The following TRAPPC12 variants were observed in gnomAD, a reference collection of about 807,000 sequenced individuals.
TRAPPC12 encodes TPR repeat protein 15.
TRAPPC12 carries 61 observed loss-of-function variants against 69.2 expected under a neutral mutation model. That is an observed-to-expected ratio of 0.88 (90% CI 0.72 to 1.09). The LOEUF is 1.09. Ranked by LOEUF, TRAPPC12 falls within the 50% of genes least tolerant of loss-of-function variation. TRAPPC12 has a pLI of 0.00. For synonymous variants in TRAPPC12, 469 were observed against 438.9 expected (o/e 1.07, Z -0.86); for missense variants, 1,101 against 1,016.4 (o/e 1.08, Z -1.13).
intron 3 of TRAPPC12, among the ~76,000 whole-genome samples, chr2:3,419,242 C>A (rs1003286163): frequency 1.2e-4 from 18 of 152,294 alleles, no homozygotes; most frequent in South Asian, 2.1e-4. Context: ...TATTAGTTGC[C>A]CCTGGATACA....
chr2:3,424,639 C>A lies in TRAPPC12; in HGVS notation c.1393C>A (p.Pro465Thr), dbSNP rs776815332. Residue 465 changes from proline to threonine, a missense_variant, in exon 5 of 12, where the codon CCG becomes ACG. By Grantham distance (38) the Pro-to-Thr change is conservative (BLOSUM62 -1). Coordinates refer to ENST00000324266, the MANE Select transcript of TRAPPC12 (RefSeq NM_016030.6). Reference sequence around the variant, plus strand: ...GCCAGATCTTTATTACGAGTACTACCCGCACGTGTACCCTGGGCGCAGGGG... The same window carrying A: ...GCCAGATCTTTATTACGAGTACTACACGCACGTGTACCCTGGGCGCAGGGG... ...DQPDLYYEYYPHVYPGRRGSM... is the reference protein window; with the variant it reads ...DQPDLYYEYYTHVYPGRRGSM... 3.2e-5 allele frequency: 52 copies of A among 1,612,976 alleles called. No homozygotes were observed. The highest frequency in any genetic ancestry group is 1.6e-4 in the Middle Eastern group (1 of 6,084).
chr2:3,380,680 A>G (rs978390829), intron 1 of TRAPPC12, among the ~76,000 whole-genome samples: 1 of 152,162 alleles, frequency 6.6e-6, no homozygotes, highest in Non-Finnish European at 1.5e-5. Flanking sequence ...GGAAAAGCAA[A>G]TGAAATATTA....
intron 5 of TRAPPC12, among the ~76,000 whole-genome samples, chr2:3,428,804 C>T (rs1392034584): frequency 6.6e-6 from 1 of 152,170 alleles, no homozygotes; most frequent in East Asian, 1.9e-4. Context: ...CAGCCCCGCG[C>T]CCCCGGAGCT....
chr2:3,383,863 TCA>T (rs1407484279), intron 1 of TRAPPC12, among the ~76,000 whole-genome samples: 17 of 146,710 alleles, frequency 1.2e-4, no homozygotes, highest in Non-Finnish European at 4.5e-5. Flanking sequence ...TTGTGATAGT[TCA>T]GTCTTGTTTT....
chr2:3,457,370 G>A lies in TRAPPC12; in HGVS notation c.1531-251G>A, dbSNP rs543503290. ...GACTACCTGGGTGATGGCTTCAATC[G>A]TACCCCAACCTCAGCATCACCCAGT... is the stretch of plus-strand genomic sequence containing the variant. On this transcript the variant is annotated intron_variant, in intron 6 of 11. Coordinates refer to ENST00000324266, the MANE Select transcript of TRAPPC12 (RefSeq NM_016030.6). 9 of 499,264 alleles carry A rather than the reference G, an allele frequency of 1.8e-5. 1 individual carries two copies. Among genetic ancestry groups the A allele is most frequent in the African/African-American group, 1.9e-5 (1 of 51,582 alleles). The allele number at this position is 499,264 out of a possible 1,614,324, so 30.9% of individuals were successfully genotyped here.
rs1161360103 is a variant in TRAPPC12 at position 3,414,025 on chromosome 2, G to A, written c.1165-7856G>A. ...GTGCTAGTTCAGGCCTTGTTTCCTT[G>A]TGCCTTGTTCACTAAGCCAGCTCAG... On this transcript the variant is annotated intron_variant, in intron 3 of 11. Transcript: ENST00000324266. This position sits in a 1 kb window ranked among gnomAD's most constrained non-coding sequence, Gnocchi z 4.9. Among the ~76,000 whole-genome samples, 1 of 151,866 alleles carries A rather than the reference G, an allele frequency of 6.6e-6. No homozygotes were observed. The highest frequency in any genetic ancestry group is 1.5e-5 in the Non-Finnish European group (1 of 67,986).
intron 8 of TRAPPC12, among the ~76,000 whole-genome samples, chr2:3,462,010 C>T (rs1212953382): frequency 1.3e-5 from 2 of 152,254 alleles, no homozygotes; most frequent in African/African-American, 2.4e-5. Context: ...GCATTGTCAG[C>T]GTCACCTGAA....
intron 5 of TRAPPC12, among the ~76,000 whole-genome samples, chr2:3,439,701 A>G (rs1310655906): frequency 6.6e-6 from 1 of 152,146 alleles, no homozygotes; most frequent in Non-Finnish European, 1.5e-5. Flanking sequence ...ATGAAGTCCA[A>G]CTTACTGATT....
chr2:3,429,597 T>C (rs10165836), intron 5 of TRAPPC12, among the ~76,000 whole-genome samples: 45,008 of 152,142 alleles, frequency 0.3, 7,082 homozygotes, highest in Middle Eastern at 0.39. Flanking sequence ...GATGTCACTG[T>C]TGTTTCCAGA....
At chr2:3,463,461 C>A (rs1665622500) in intron 8 of TRAPPC12, among the ~76,000 whole-genome samples, 2 of 151,554 alleles carry the variant, frequency 1.3e-5, no homozygotes, top group African/African-American at 4.9e-5. Context: ...AGCTTCCTCT[C>A]ACACGGCTCC....
intron 2 of TRAPPC12, among the ~76,000 whole-genome samples, chr2:3,395,720 G>A (rs189598142): frequency 6.6e-4 from 98 of 148,574 alleles, no homozygotes; most frequent in African/African-American, 2.2e-3. Flanking sequence ...GCACCACCAC[G>A]CCCAGCTAAT....
intron 3 of TRAPPC12, among the ~76,000 whole-genome samples, chr2:3,416,070 C>A (rs1289549182): frequency 1.3e-5 from 2 of 152,212 alleles, no homozygotes; most frequent in Non-Finnish European, 2.9e-5. Flanking sequence ...GATGGAGCAT[C>A]TGTGTCTGTC....
intron 3 of TRAPPC12, among the ~76,000 whole-genome samples, chr2:3,415,968 A>G (rs554996289): frequency 3.8e-4 from 58 of 152,170 alleles, no homozygotes; most frequent in Non-Finnish European, 4.6e-4. Context: ...CGCCCCCCTC[A>G]GCCTCCCAAA....
intron 6 of TRAPPC12, among the ~76,000 whole-genome samples, chr2:3,453,364 T>TC (rs1245254889): frequency 6.6e-6 from 1 of 152,178 alleles, no homozygotes; most frequent in East Asian, 1.9e-4. Flanking sequence ...GGAAGGTGCC[T>TC]CCAACACCCG....
intron 9 of TRAPPC12, chr2:3,466,249 T>G (rs1277837608): frequency 2.1e-6 from 1 of 471,080 alleles, no homozygotes; most frequent in Admixed American, 2.3e-5. Context: ...ATCCCACCCT[T>G]GCAGGCGGAG....
chr2:3,454,212 G>A (rs1277282453), intron 6 of TRAPPC12, among the ~76,000 whole-genome samples: 2 of 152,190 alleles, frequency 1.3e-5, no homozygotes, highest in African/African-American at 2.4e-5. Context: ...CAGAGGGAGG[G>A]GTGTAGCCTG....
chr2:3,435,878 A>G (rs1042351399), intron 5 of TRAPPC12, among the ~76,000 whole-genome samples: 14 of 152,274 alleles, frequency 9.2e-5, no homozygotes, highest in African/African-American at 3.4e-4. Context: ...AAGGCACTGT[A>G]TAGTACCGAT....
chr2:3,478,844 A>C lies in TRAPPC12; in HGVS notation c.1878-2A>C, dbSNP rs139579043. The C allele has an allele frequency of 6.2e-7, 1 of 1,613,872 alleles. No homozygotes were observed. The highest frequency in any genetic ancestry group is 8.5e-7 in the Non-Finnish European group (1 of 1,179,944). ...TAACTGCCACCGTTGCTTGTGTTAC[A>C]GCGCGTTCCTTCACCTCGGGCAGAA... On this transcript the variant is annotated splice_acceptor_variant, in intron 10 of 11. Transcript: ENST00000324266. LOFTEE classifies it high-confidence loss of function.
chr2:3,460,661 C>T (rs1197148119), intron 8 of TRAPPC12: 2 of 295,600 alleles, frequency 6.8e-6, no homozygotes, highest in Non-Finnish European at 1.2e-5. Flanking sequence ...CCTTTGTTCT[C>T]CCTATCTTCG....
Sources: allele counts gnomAD v4.1 joint callset (sites outside exome capture counted in the v4.1 genomes callset), GRCh38; gene constraint gnomAD v4.1.1; non-coding constraint Gnocchi (gnomAD v3.1); transcripts MANE v1.5; gene names NCBI Gene and HGNC (gene_info 2026-07-23, HGNC 2026-07-21).